The following AKAP7 variants were observed in gnomAD, a reference collection of about 807,000 sequenced individuals.
The protein encoded by AKAP7 is A kinase (PRKA) anchor protein 7.
AKAP7 carries 39 observed loss-of-function variants against 39.5 expected under a neutral mutation model. The ratio of observed to expected loss-of-function variants is 0.99; its 90% CI spans 0.76 to 1.29. AKAP7 has a LOEUF of 1.29. Among genes scored for constraint, AKAP7 ranks in the 50% most tolerant of loss-of-function variants. The pLI is 0.00. For synonymous variants in AKAP7, 140 were observed against 139.1 expected, an observed-to-expected ratio of 1.01 and a Z score of -0.05; for missense variants, 414 against 407.7, an observed-to-expected ratio of 1.02 and a Z score of -0.13.
chr6:131,264,409 G>A (rs1179134238), intron 7 of AKAP7, among the ~76,000 whole-genome samples: 1 of 152,116 alleles, frequency 6.6e-6, no homozygotes, highest in Non-Finnish European at 1.5e-5. Context: ...TACCTATCAT[G>A]GAATATCACT....
At chr6:131,246,277 T>C (rs1811998033) in intron 7 of AKAP7, among the ~76,000 whole-genome samples, 1 of 152,144 alleles carries the variant, frequency 6.6e-6, no homozygotes, top group Non-Finnish European at 1.5e-5. Context: ...TTTAGTTTTA[T>C]TGCTGCCATT....
intron 5 of AKAP7, among the ~76,000 whole-genome samples, chr6:131,182,898 A>G (rs1269838903): frequency 2.0e-5 from 3 of 152,144 alleles, no homozygotes; most frequent in Non-Finnish European, 4.4e-5. Context: ...ACTTGAATTT[A>G]TGTAACTAAT....
At position 131,145,314 on chromosome 6, in the gene AKAP7, G is replaced by A. The variant is rs369870054; in HGVS notation, c.49G>A (p.Val17Ile). Residue 17 changes from valine to isoleucine, a missense_variant, in exon 2 of 8, where the codon GTA becomes ATA. Physicochemically the swap from Val to Ile is conservative, Grantham distance 29 (BLOSUM62 3). Coordinates refer to ENST00000431975, the MANE Select transcript of AKAP7 (RefSeq NM_016377.4). Reference protein sequence around the residue: ...GGINSNECENVSRKKKMSEEF... With the variant: ...GGINSNECENISRKKKMSEEF... ...AATTAATTCCAATGAGTGTGAAAAT[G>A]TATCAAGAAAAAAGAAAATGTCAGA... The A allele has an allele frequency of 3.3e-5, 51 of 1,541,838 alleles. 1 individual carries two copies. In the South Asian group the frequency reaches 4.0e-4, roughly 12 times the overall value.
chr6:131,273,937 TTTC>T (rs1363885389), intron 7 of AKAP7, among the ~76,000 whole-genome samples: 1 of 151,132 alleles, frequency 6.6e-6, no homozygotes, highest in African/African-American at 2.4e-5. Flanking sequence ...TGTGTTGCCT[TTTC>T]TTTTTTTTTT....
chr6:131,256,311 G>A (rs1245090060), intron 7 of AKAP7, among the ~76,000 whole-genome samples: 1 of 152,104 alleles, frequency 6.6e-6, no homozygotes, highest in African/African-American at 2.4e-5. Context: ...GTAATTAGGA[G>A]GCTTATGTTT....
intron 4 of AKAP7, among the ~76,000 whole-genome samples, chr6:131,165,727 T>G (rs1412953739): frequency 6.6e-6 from 1 of 152,196 alleles, no homozygotes; most frequent in Non-Finnish European, 1.5e-5. Flanking sequence ...TTAGAGTCAC[T>G]GTACTCTACC....
chr6:131,164,815 G>C (rs1195112025), intron 3 of AKAP7, among the ~76,000 whole-genome samples: 1 of 152,278 alleles, frequency 6.6e-6, no homozygotes, highest in East Asian at 1.9e-4. Flanking sequence ...ATAGCAATCT[G>C]ATCTGCAAAA....
At chr6:131,276,231 G>A (rs1300851528) in intron 7 of AKAP7, among the ~76,000 whole-genome samples, 1 of 152,106 alleles carries the variant, frequency 6.6e-6, no homozygotes, top group Non-Finnish European at 1.5e-5. Context: ...TTAAAATATG[G>A]TTTTGGTGTT....
intron 6 of AKAP7, among the ~76,000 whole-genome samples, chr6:131,218,663 G>A (rs1809420388): frequency 6.6e-6 from 1 of 152,184 alleles, no homozygotes; most frequent in Non-Finnish European, 1.5e-5. Context: ...AGCAGAGGCA[G>A]ATATATTCTT....
At chr6:131,136,333 G>C (rs1376397758) in intron 1 of AKAP7, among the ~76,000 whole-genome samples, 1 of 152,174 alleles carries the variant, frequency 6.6e-6, no homozygotes, top group Non-Finnish European at 1.5e-5. Context: ...TTGTGATAGA[G>C]CGAGTTAGGG....
Position 131,282,893 on chromosome 6 carries a change from A to G in AKAP7, c.*1167A>G, listed in dbSNP as rs954253690. 3.6e-6 allele frequency: 1 copy of G among 275,086 alleles called. No homozygotes were observed. The highest frequency in any genetic ancestry group is 6.9e-6 in the Non-Finnish European group (1 of 145,656). The allele number at this position is 275,086 out of a possible 1,614,324, so 17.0% of individuals were successfully genotyped here. ...TTCTCGGGTCCTTGCAGAAAAAAAC[A>G]TACAGACTGTGAACAAATCATTCAC... On this transcript the variant is annotated 3_prime_UTR_variant, in exon 8 of 8. Transcript: ENST00000431975.
Position 131,272,643 on chromosome 6 carries a change from A to G in AKAP7, c.851-8887A>G, listed in dbSNP as rs528487353. Among the ~76,000 whole-genome samples, 3 of 152,322 alleles carry G rather than the reference A, an allele frequency of 2.0e-5. No individual in the cohort carries two copies. In the East Asian group the frequency reaches 5.8e-4, roughly 29 times the overall value. ...ATTTAGAAACATTGTTTAAATATAA[A>G]TAACTAAAGGATTCTCAGGGTATCT... On this transcript the variant is annotated intron_variant, in intron 7 of 7. Coordinates refer to ENST00000431975, the MANE Select transcript of AKAP7 (RefSeq NM_016377.4).
At chr6:131,197,394 A>G (rs1807043597) in intron 5 of AKAP7, among the ~76,000 whole-genome samples, 1 of 151,984 alleles carries the variant, frequency 6.6e-6, no homozygotes, top group Non-Finnish European at 1.5e-5. Flanking sequence ...TACCCAGATT[A>G]TTTTCCATTG....
chr6:131,250,154 T>A (rs1334195201), intron 7 of AKAP7: 1 of 988,230 alleles, frequency 1.0e-6, no homozygotes, highest in Non-Finnish European at 1.2e-6. Context: ...TGAATTTTCA[T>A]GTGTAATTAC....
chr6:131,269,402 G>C (rs759755790), intron 7 of AKAP7, among the ~76,000 whole-genome samples: 1 of 152,164 alleles, frequency 6.6e-6, no homozygotes, highest in Admixed American at 6.5e-5. Context: ...AATCAGTTCT[G>C]CACAAAATGA....
At chr6:131,253,900 C>T (rs897270231) in intron 7 of AKAP7, among the ~76,000 whole-genome samples, 10 of 152,120 alleles carry the variant, frequency 6.6e-5, no homozygotes, top group South Asian at 2.1e-4. Context: ...AGGTTGATTC[C>T]GTATTTGGCT....
At chr6:131,129,300 T>G in the AKAP7 span, among the ~76,000 whole-genome samples, 1 of 116,020 alleles carries the variant, frequency 8.6e-6, no homozygotes, top group African/African-American at 3.0e-5. Context: ...AAAAAAAAAA[T>G]GCATGATTGA....
At chr6:131,143,550 A>G (rs1216480906) in intron 1 of AKAP7, among the ~76,000 whole-genome samples, 1 of 152,188 alleles carries the variant, frequency 6.6e-6, no homozygotes, top group African/African-American at 2.4e-5. Context: ...TGGGAGCCAA[A>G]TAAACCTCTT....
At chr6:131,250,233 A>C in intron 7 of AKAP7, 2 of 1,043,224 alleles carry the variant, frequency 1.9e-6, no homozygotes, top group African/African-American at 3.3e-5. Flanking sequence ...GACATATGCA[A>C]ATAGCCAGAC....
Sources: allele counts gnomAD v4.1 joint callset (sites outside exome capture counted in the v4.1 genomes callset), GRCh38; gene constraint gnomAD v4.1.1; transcripts MANE v1.5; gene names NCBI Gene and HGNC (gene_info 2026-07-23, HGNC 2026-07-21).